The following TLE2 variants were observed in gnomAD, a reference collection of about 807,000 sequenced individuals.
TLE2 encodes the protein TLE family member 2, transcriptional corepressor, also known as transducin-like enhancer protein 2.
A neutral mutation model predicts 97.2 loss-of-function variants in TLE2; 74 were observed. That is an observed-to-expected ratio of 0.76 (90% confidence interval 0.63 to 0.92). The LOEUF is 0.92. Among genes scored for constraint, TLE2 ranks in the 40% least tolerant of loss-of-function variants. TLE2 has a pLI of 0.00. For missense variants in TLE2, 1,038 were observed against 1,008.7 expected (o/e 1.03, Z -0.39); for synonymous variants, 499 against 432.1 (o/e 1.15, Z -1.92).
rs374657688 is a variant in TLE2 at position 3,008,907 on chromosome 19, G to A, written c.1212C>T (p.Ser404=). 1,454 of 1,595,378 alleles carry A rather than the reference G, an allele frequency of 9.1e-4. 17 individuals are homozygous for A. In the South Asian group the frequency reaches 0.016, roughly 17 times the overall value. ...GGATGCTGGGTAGGGAGGAAGAGAC[G>A]GATGACCCTCGGAGATGGGGATGAG... ...FESHPHLRGS[S]VSSSLPSIPG... is the part of the protein sequence containing the mutation. Residue 404 remains serine (S), a synonymous_variant, in exon 14 of 20, where the codon TCC becomes TCT. Coordinates refer to ENST00000262953, the MANE Select transcript of TLE2 (RefSeq NM_003260.5).
chr19:3,005,988 C>T lies in TLE2; in HGVS notation c.1501-20G>A. On this transcript the variant is annotated intron_variant, in intron 15 of 19. Coordinates refer to ENST00000262953, the MANE Select transcript of TLE2 (RefSeq NM_003260.5). ...TCGGTTCTGGGGTCGGGGAGAGAAG[C>T]AGGGGCTGGGGGTTGGTCCCAGGTG... 1 of 1,608,476 alleles carries T rather than the reference C, an allele frequency of 6.2e-7. No homozygotes were observed. Among genetic ancestry groups the T allele is most frequent in the Non-Finnish European group, 8.5e-7 (1 of 1,175,952 alleles).
chr19:3,030,018 G>T (rs947423582), upstream of TLE2, among the ~76,000 whole-genome samples: 3 of 152,092 alleles, frequency 2.0e-5, no homozygotes, highest in Non-Finnish European at 4.4e-5. Flanking sequence ...TGTTGCCCAG[G>T]CTGGTCTTGA....
intron 15 of TLE2, 110 bp from the exon 16 acceptor site, chr19:3,006,078 G>C: frequency 7.5e-7 from 1 of 1,333,148 alleles, no homozygotes; most frequent in Non-Finnish European, 1.1e-6. Context: ...ATCCTGATTA[G>C]CCTGCAAGCC....
Position 3,011,067 on chromosome 19 carries a change from G to A in TLE2, c.967C>T (p.Leu323Phe), listed in dbSNP as rs1189472394. ...GCTGGCTTGGCAGCAAGCTGGCAGA[G>A]GTGACTGGCCGAGCTGGGCCCGGGG... Reference protein sequence around the residue: ...STPGPSSASHLCQLAAKPAPS... With the variant: ...STPGPSSASHFCQLAAKPAPS... Residue 323 changes from leucine to phenylalanine, a missense_variant, in exon 12 of 20, where the codon CTC becomes TTC. By Grantham distance (22) the Leu-to-Phe change is conservative. Coordinates refer to ENST00000262953, the MANE Select transcript of TLE2 (RefSeq NM_003260.5). The A allele has an allele frequency of 8.1e-6, 13 of 1,607,958 alleles. No individual in the cohort carries two copies. Among genetic ancestry groups the A allele is most frequent in the Non-Finnish European group, 1.1e-5 (13 of 1,178,244 alleles).
chr19:2,997,977 A>G, intron 19 of TLE2, 22 bp from the exon 20 acceptor site: 1 of 1,570,126 alleles, frequency 6.4e-7, no homozygotes, highest in Non-Finnish European at 8.7e-7. Context: ...AGGGAGAGAG[A>G]AAAGGGCACA....
At chr19:3,000,596 A>G in intron 19 of TLE2, 51 bp downstream of exon 19, 1 of 1,522,388 alleles carries the variant, frequency 6.6e-7, no homozygotes, top group Non-Finnish European at 8.9e-7. Context: ...TGACCCTGGC[A>G]TACCCGGGCA....
Position 3,028,400 on chromosome 19 carries a change from G to A in TLE2, c.123-18C>T, listed in dbSNP as rs745406110. The A allele has an allele frequency of 6.3e-6, 10 of 1,590,788 alleles. No homozygotes were observed. The highest frequency in any genetic ancestry group is 1.3e-5 in the African/African-American group (1 of 74,370). On this transcript the variant is annotated intron_variant, in intron 2 of 19. Coordinates refer to ENST00000262953, the MANE Select transcript of TLE2 (RefSeq NM_003260.5). ...GCTTGAGGCTGAGAAGAAGAGAGAG[G>A]GCAAGGGGCTCCCACCCGCCCCATG...
intron 2 of TLE2, among the ~76,000 whole-genome samples, 161 bp downstream of exon 2, chr19:3,028,545 G>A (rs1039135292): frequency 9.9e-5 from 14 of 141,990 alleles, no homozygotes; most frequent in East Asian, 4.0e-4. Context: ...CCCCAGCTCT[G>A]ACTGTCCCCA....
Position 3,008,930 on chromosome 19 carries a change from G to T in TLE2, c.1189C>A (p.His397Asn). 6.3e-7 allele frequency: 1 copy of T among 1,592,594 alleles called. No individual in the cohort carries two copies. Among genetic ancestry groups the T allele is most frequent in the East Asian group, 2.3e-5 (1 of 43,562 alleles). The stretch of plus-strand genomic sequence containing the variant: ...ACGGATGACCCTCGGAGATGGGGAT[G>T]AGACTCAAATGCCATCTGTGAGAAT... ...GRSPVMAFESHPHLRGSSVSS... is the reference protein window; with the variant it reads ...GRSPVMAFESNPHLRGSSVSS... The change falls in exon 14 of 20, where the codon CAT becomes AAT. Residue 397 changes from histidine to asparagine, a missense_variant. Physicochemically the swap from His to Asn is moderately conservative, Grantham distance 68. Coordinates refer to ENST00000262953, the MANE Select transcript of TLE2 (RefSeq NM_003260.5).
intron 19 of TLE2, 39 bp from the exon 20 acceptor site, chr19:2,997,994 C>A (rs1490763239): frequency 6.7e-7 from 1 of 1,488,622 alleles, no homozygotes; most frequent in Non-Finnish European, 9.3e-7. Flanking sequence ...CACAGTGAGG[C>A]ATGGTCCCCA....
At chr19:3,004,631 AAAG>A (rs1438546922) in intron 17 of TLE2, among the ~76,000 whole-genome samples, 2 of 151,590 alleles carry the variant, frequency 1.3e-5, no homozygotes, top group East Asian at 1.9e-4. Context: ...AAAAAAAAAA[AAAG>A]AGGAGCTTCG....
At chr19:3,023,537 T>C (rs544862490) in intron 5 of TLE2, among the ~76,000 whole-genome samples, 79 of 152,296 alleles carry the variant, frequency 5.2e-4, no homozygotes, top group African/African-American at 1.8e-3. Flanking sequence ...CCTCCCAGTG[T>C]ATCCACTCTG....
upstream of TLE2, among the ~76,000 whole-genome samples, chr19:3,033,066 T>A (rs1447629491): frequency 6.6e-6 from 1 of 151,870 alleles, no homozygotes; most frequent in Non-Finnish European, 1.5e-5. Flanking sequence ...CTCAAGTAGC[T>A]GGGATTACAG....
chr19:3,015,958 A>C, intron 8 of TLE2, 198 bp from the exon 9 acceptor site: 1 of 664,524 alleles, frequency 1.5e-6, no homozygotes, highest in Non-Finnish European at 2.8e-6. Flanking sequence ...TTTGTTTTTG[A>C]CGGAGTCTTG....
At chr19:3,010,582 T>A (rs964870803) in intron 12 of TLE2, among the ~76,000 whole-genome samples, 6 of 152,048 alleles carry the variant, frequency 3.9e-5, no homozygotes, top group African/African-American at 1.4e-4. Flanking sequence ...AAGGCCAGCT[T>A]CTTTCAGGGG....
intron 3 of TLE2, 138 bp downstream of exon 3, chr19:3,028,181 A>G (rs1274727098): frequency 3.2e-6 from 3 of 928,548 alleles, no homozygotes; most frequent in Non-Finnish European, 5.1e-6. Context: ...CCTCCTAGAG[A>G]GCCTGAAATC....
In TLE2 at chr19:2,997,684, A is replaced by C. The variant is rs745875173; in HGVS notation, c.*164T>G. ...TTATTTCCACCGAGGTCCCCTGCCC[A>C]TCGGCCCCCACATGCAGCAGGGGAA... On this transcript the variant is annotated 3_prime_UTR_variant, in exon 20 of 20. Coordinates refer to ENST00000262953, the MANE Select transcript of TLE2 (RefSeq NM_003260.5). The C allele has an allele frequency of 1.7e-6, 1 of 595,084 alleles. No individual in the cohort carries two copies. The highest frequency in any genetic ancestry group is 3.1e-6 in the Non-Finnish European group (1 of 327,768). The allele number at this position is 595,084 out of a possible 1,614,324, so 36.9% of individuals were successfully genotyped here. A position where few individuals can be genotyped will look rare whatever the true frequency, so the allele number is the denominator to read the frequency against.
intron 16 of TLE2, 45 bp downstream of exon 16, chr19:3,005,676 A>C: frequency 6.2e-7 from 1 of 1,607,370 alleles, no homozygotes; most frequent in Middle Eastern, 1.7e-4. Flanking sequence ...CTGCACCGAG[A>C]GCGGCCGGGG....
chr19:3,016,640 G>A (rs2089712677), intron 8 of TLE2, among the ~76,000 whole-genome samples: 3 of 151,460 alleles, frequency 2.0e-5, no homozygotes, highest in Non-Finnish European at 4.4e-5. Context: ...TACTGACACA[G>A]CTCACATGAC....
Sources: gnomAD v4.1 joint callset for allele counts (sites outside exome capture counted in the v4.1 genomes callset) on GRCh38, gnomAD v4.1.1 for gene constraint, MANE v1.5 for transcripts, NCBI Gene and HGNC (gene_info 2026-07-23, HGNC 2026-07-21) for gene names.